The following MCMBP variants were observed in gnomAD, a reference collection of about 807,000 sequenced individuals.
The protein encoded by MCMBP is minichromosome maintenance complex binding protein.
MCMBP carries 31 observed loss-of-function variants against 81.3 expected under a neutral mutation model. That is an observed-to-expected ratio of 0.38 (90% confidence interval 0.29 to 0.51). The LOEUF (loss-of-function observed/expected upper bound fraction) is 0.51. Ranked by LOEUF, MCMBP falls within the 20% of genes least tolerant of loss-of-function variation. MCMBP has a pLI of 0.87. For synonymous variants in MCMBP, 267 were observed against 275.9 expected, an observed-to-expected ratio of 0.97 and a Z score of 0.32; for missense variants, 645 against 772.1, an observed-to-expected ratio of 0.84 and a Z score of 1.95.
intron 1 of MCMBP, among the ~76,000 whole-genome samples, chr10:119,870,863 A>T (rs936958942): frequency 2.6e-5 from 4 of 152,216 alleles, no homozygotes; most frequent in Non-Finnish European, 5.9e-5. Context: ...ACACATCAAG[A>T]AACTTCTCAG....
rs538427585 is a variant in MCMBP at position 119,829,789 on chromosome 10, G to A, written c.*1685C>T. 2.8e-4 allele frequency: 42 copies of A among 152,226 alleles called. 1 individual carries two copies. The highest frequency in any genetic ancestry group is 8.8e-5 in the Non-Finnish European group (6 of 68,020). 9.4% of individuals were successfully genotyped at this position (152,226 alleles called of 1,614,324 possible). A position where few individuals can be genotyped will look rare whatever the true frequency, so the allele number is the denominator to read the frequency against. On this transcript the variant is annotated 3_prime_UTR_variant, in exon 16 of 16. Coordinates refer to ENST00000369077, the MANE Select transcript of MCMBP (RefSeq NM_001256378.2). ...TCTTACTCATGAAAAACAGCCCAAG[G>A]TACTGCTAATTTGGGACGTTTTATT...
At chr10:119,836,757 GTTTTTT>G (rs199759464) in intron 13 of MCMBP, 133 bp downstream of exon 13, 27 of 296,966 alleles carry the variant, frequency 9.1e-5, no homozygotes, top group African/African-American at 5.5e-4. Flanking sequence ...AGCAGTCACA[GTTTTTT>G]TTTTTTTTTT....
intron 1 of MCMBP, among the ~76,000 whole-genome samples, chr10:119,864,079 A>G (rs866109978): frequency 2.6e-5 from 4 of 152,162 alleles, no homozygotes; most frequent in South Asian, 2.1e-4. Flanking sequence ...GTGGCAAAAG[A>G]GGAAGTTAGA....
At chr10:119,856,245 AAAAC>A (rs989292012) in intron 5 of MCMBP, among the ~76,000 whole-genome samples, 5 of 152,218 alleles carry the variant, frequency 3.3e-5, no homozygotes, top group African/African-American at 9.7e-5. Context: ...AAACAAACAA[AAAAC>A]AAACAAAAAG....
In MCMBP at chr10:119,830,053, C is replaced by CT. The variant is rs1851949786; in HGVS notation, c.*1420dup. 6.6e-6 allele frequency: 1 copy of CT among 152,574 alleles called. No individual in the cohort carries two copies. The highest frequency in any genetic ancestry group is 1.5e-5 in the Non-Finnish European group (1 of 68,028). 9.5% of individuals were successfully genotyped at this position (152,574 alleles called of 1,614,324 possible). A position where few individuals can be genotyped will look rare whatever the true frequency, so the allele number is the denominator to read the frequency against. ...TATAAAAATGAAAACCAGTTCAACT[C>CT]TAATATAAACATTATTTACATTTGT... On this transcript the variant is annotated 3_prime_UTR_variant, in exon 16 of 16. Coordinates refer to ENST00000369077, the MANE Select transcript of MCMBP (RefSeq NM_001256378.2).
At chr10:119,867,591 A>G (rs1468159128) in intron 1 of MCMBP, among the ~76,000 whole-genome samples, 1 of 152,086 alleles carries the variant, frequency 6.6e-6, no homozygotes, top group African/African-American at 2.4e-5. Flanking sequence ...TGCCAATCAG[A>G]TTTTCTATGC....
chr10:119,868,915 G>T (rs1853566294), intron 1 of MCMBP, among the ~76,000 whole-genome samples: 1 of 152,168 alleles, frequency 6.6e-6, no homozygotes, highest in Non-Finnish European at 1.5e-5. Flanking sequence ...AGTATGAGGA[G>T]GGGGTACGCA....
At chr10:119,838,390 T>G in intron 12 of MCMBP, 145 bp downstream of exon 12, 2 of 697,884 alleles carry the variant, frequency 2.9e-6, no homozygotes, top group Non-Finnish European at 4.5e-6. Context: ...TTATAACATA[T>G]GCTTTAATCA....
chr10:119,854,203 G>A (rs1034593251), intron 5 of MCMBP, among the ~76,000 whole-genome samples: 1 of 151,732 alleles, frequency 6.6e-6, no homozygotes, highest in East Asian at 1.9e-4. Flanking sequence ...CACCAAGCCC[G>A]GCTAGTTTTT....
At chr10:119,835,984 C>T (rs577227362) in intron 13 of MCMBP, among the ~76,000 whole-genome samples, 17 of 152,218 alleles carry the variant, frequency 1.1e-4, no homozygotes, top group African/African-American at 1.4e-4. Flanking sequence ...CACAGGTGCA[C>T]GCCACCATGC....
At chr10:119,840,984 A>G in intron 10 of MCMBP, 24 bp from the exon 11 acceptor site, 2 of 1,353,304 alleles carry the variant, frequency 1.5e-6, no homozygotes, top group African/African-American at 2.9e-5. Flanking sequence ...AAATCAATCA[A>G]TAAGATGCTG....
At chr10:119,838,104 G>T (rs1167564688) in intron 12 of MCMBP, among the ~76,000 whole-genome samples, 1 of 151,562 alleles carries the variant, frequency 6.6e-6, no homozygotes, top group Non-Finnish European at 1.5e-5. Flanking sequence ...CCAACCATTC[G>T]CTGACACAAT....
At position 119,831,439 on chromosome 10, in the gene MCMBP, C is replaced by G. The variant is rs887989605; in HGVS notation, c.*35G>C. 2 of 1,610,044 alleles carry G rather than the reference C, an allele frequency of 1.2e-6. No homozygotes were observed. Among genetic ancestry groups the G allele is most frequent in the Non-Finnish European group, 1.7e-6 (2 of 1,177,946 alleles). On this transcript the variant is annotated 3_prime_UTR_variant, in exon 16 of 16. Coordinates refer to ENST00000369077, the MANE Select transcript of MCMBP (RefSeq NM_001256378.2). Reference sequence around the variant, plus strand: ...TCTGAATTTTACAATTATGTGGCTACAGTTTGCCCATTACTCTTCATAGGT... The same window carrying G: ...TCTGAATTTTACAATTATGTGGCTAGAGTTTGCCCATTACTCTTCATAGGT...
In MCMBP at chr10:119,830,804, A is replaced by T. The variant is rs1852000039; in HGVS notation, c.*670T>A. On this transcript the variant is annotated 3_prime_UTR_variant, in exon 16 of 16. Coordinates refer to ENST00000369077, the MANE Select transcript of MCMBP (RefSeq NM_001256378.2). ...GGATTACTTGGCAAGGTAAATTGGCAACCTTATAGTACCCCAGATTTTTGG... is the reference window on the plus strand; with the variant it reads ...GGATTACTTGGCAAGGTAAATTGGCTACCTTATAGTACCCCAGATTTTTGG... The T allele has an allele frequency of 2.0e-5, 3 of 152,644 alleles. No individual in the cohort carries two copies. The highest frequency in any genetic ancestry group is 4.4e-5 in the Non-Finnish European group (3 of 68,044). 9.5% of individuals were successfully genotyped at this position (152,644 alleles called of 1,614,324 possible).
At position 119,859,858 on chromosome 10, in the gene MCMBP, C is replaced by G; in HGVS notation, c.85G>C (p.Glu29Gln). ...TTAAAATACTCAATTACTTTCTTCTCCCAGTCAGGATTAACTCCATTTTGG... is the reference window on the plus strand; with the variant it reads ...TTAAAATACTCAATTACTTTCTTCTGCCAGTCAGGATTAACTCCATTTTGG... ...FAQNGVNPDW[E>Q]KKVIEYFKEK... The change falls in exon 2 of 16, where the codon GAG (glutamate) becomes CAG (glutamine). Residue 29 changes from glutamate (E) to glutamine (Q), a missense_variant. Glu to Gln is a conservative substitution (Grantham distance 29). Coordinates refer to ENST00000369077, the MANE Select transcript of MCMBP (RefSeq NM_001256378.2). The G allele has an allele frequency of 6.2e-7, 1 of 1,613,164 alleles. No homozygotes were observed. The highest frequency in any genetic ancestry group is 8.5e-7 in the Non-Finnish European group (1 of 1,179,594).
chr10:119,872,440 C>T (rs1853720233), intron 1 of MCMBP, 87 bp downstream of exon 1: 1 of 815,914 alleles, frequency 1.2e-6, no homozygotes, highest in Non-Finnish European at 1.6e-6. Context: ...GAGATGGTAC[C>T]GCGTGGGGGC....
intron 2 of MCMBP, 115 bp from the exon 3 acceptor site, chr10:119,859,296 A>C (rs1444011108): frequency 1.2e-6 from 1 of 838,698 alleles, no homozygotes; most frequent in Non-Finnish European, 1.8e-6. Context: ...ACACACACAC[A>C]CACACACACC....
At chr10:119,868,357 C>G (rs557383966) in intron 1 of MCMBP, among the ~76,000 whole-genome samples, 64 of 152,138 alleles carry the variant, frequency 4.2e-4, no homozygotes, top group African/African-American at 1.5e-3. Context: ...ACCCAGAAGG[C>G]GGAGGTTGCA....
chr10:119,870,433 C>A (rs1387254574), intron 1 of MCMBP, among the ~76,000 whole-genome samples: 1 of 150,348 alleles, frequency 6.7e-6, no homozygotes, highest in African/African-American at 2.4e-5. Context: ...GGTGACAGTG[C>A]GAGACTGTCT....
Sources: gnomAD v4.1 joint callset for allele counts (sites outside exome capture counted in the v4.1 genomes callset) on GRCh38, gnomAD v4.1.1 for gene constraint, MANE v1.5 for transcripts, NCBI Gene and HGNC (gene_info 2026-07-23, HGNC 2026-07-21) for gene names.